LHX5: variants seen among roughly 807,000 people sequenced by gnomAD.
LHX5 encodes LIM/homeobox protein Lhx5.
In LHX5, 5 loss-of-function variants were observed where a neutral mutation model predicts 30.6. That is an observed-to-expected ratio of 0.16 (90% confidence interval 0.09 to 0.34). The LOEUF is 0.34. Ranked by LOEUF, LHX5 falls within the 10% of genes least tolerant of loss-of-function variation. The probability of loss-of-function intolerance (pLI) is 1.00; values close to 1 mark genes in which losing one functional copy is unlikely to be tolerated. For synonymous variants in LHX5, 266 were observed against 252.6 expected (o/e 1.05, Z -0.50); for missense variants, 458 against 570.6 (o/e 0.80, Z 2.01).
chr12:113,468,974 C>T, intron 2 of LHX5, 148 bp downstream of exon 2: 1 of 629,600 alleles, frequency 1.6e-6, no homozygotes, highest in Non-Finnish European at 2.7e-6. Context: ...TAGCCTCTAA[C>T]CCCCTTGCCT....
At chr12:113,471,213 A>T in intron 1 of LHX5, 113 bp downstream of exon 1, 1 of 1,136,690 alleles carries the variant, frequency 8.8e-7, no homozygotes, top group South Asian at 1.5e-5. Context: ...CTCCCCATCT[A>T]AGCTTGTGAT....
In LHX5 at chr12:113,462,233, T is replaced by C. The variant is rs1436862095; in HGVS notation, c.*957A>G. ...ATAAACAGTAAACACAAAAACATACTTTATTTGTTTCTTCTTTATACAAAA... is the reference window on the plus strand; with the variant it reads ...ATAAACAGTAAACACAAAAACATACCTTATTTGTTTCTTCTTTATACAAAA... On this transcript the variant is annotated 3_prime_UTR_variant, in exon 5 of 5. Coordinates refer to ENST00000261731, the MANE Select transcript of LHX5 (RefSeq NM_022363.3). 8 of 152,176 alleles carry C rather than the reference T, an allele frequency of 5.3e-5. No homozygotes were observed. 9.4% of individuals were successfully genotyped at this position (152,176 alleles called of 1,614,324 possible).
At chr12:113,470,411 G>C (rs1362212269) in intron 1 of LHX5, among the ~76,000 whole-genome samples, 2 of 152,224 alleles carry the variant, frequency 1.3e-5, no homozygotes, top group African/African-American at 4.8e-5. Context: ...CTACATTAGG[G>C]GCATCGGGCC....
chr12:113,465,346 G>A lies in LHX5; in HGVS notation c.842-1789C>T, dbSNP rs1179651803. 1.3e-5 allele frequency among the ~76,000 whole-genome samples: 2 copies of A among 152,224 alleles called. No individual in the cohort carries two copies. The highest frequency in any genetic ancestry group is 2.9e-5 in the Non-Finnish European group (2 of 68,032). On this transcript the variant is annotated intron_variant, in intron 4 of 4. Coordinates refer to ENST00000261731, the MANE Select transcript of LHX5 (RefSeq NM_022363.3). This position sits in a 1 kb window ranked among gnomAD's most constrained non-coding sequence, Gnocchi z 6.7. ...AACCAGCGAAGGCCGCTGCCCCCGC[G>A]CCGTGCGCGCCGCCTCCGCCCATAT...
intron 1 of LHX5, 125 bp downstream of exon 1, chr12:113,471,201 C>G (rs1355004889): frequency 1.0e-6 from 1 of 1,004,874 alleles, no homozygotes; most frequent in Non-Finnish European, 1.5e-6. Context: ...AAGTGCTGCC[C>G]GCTCCCCATC....
In LHX5 at chr12:113,463,504, C is replaced by G. The variant is rs764943118; in HGVS notation, c.895G>C (p.Gly299Arg). 8 of 1,565,360 alleles carry G rather than the reference C, an allele frequency of 5.1e-6. No individual in the cohort carries two copies. The East Asian group carries it at 7.1e-5, about 14-fold the overall frequency. The change falls in exon 5 of 5, where the codon GGC (glycine) becomes CGC (arginine). Residue 299 changes from glycine to arginine, a missense_variant. Coordinates refer to ENST00000261731, the MANE Select transcript of LHX5 (RefSeq NM_022363.3). The surrounding 1 kb of genome is among the most constrained non-coding windows in gnomAD (Gnocchi z 6.7). ...GGGGACTGCGCCTGCGAAGGCGGGC[C>G]GTGCGCGAAGAAGTCGTAGTTGCTT... The part of the protein sequence containing the change: ...PGSNYDFFAH[G>R]PPSQAQSPAD...
chr12:113,469,300 G>T lies in LHX5; in HGVS notation c.219C>A (p.Pro73=), dbSNP rs1319385422. The T allele has an allele frequency of 1.9e-6, 3 of 1,614,096 alleles. No homozygotes were observed. The East Asian group carries it at 6.7e-5, about 36-fold the overall frequency. ...TCCGGGCCTTGCGCACCAGGTCGCTGGGCGAGATGCCTTGCGCGCAGCCGG... is the reference window on the plus strand; with the variant it reads ...TCCGGGCCTTGCGCACCAGGTCGCTTGGCGAGATGCCTTGCGCGCAGCCGG... ...KCAGCAQGIS[P]SDLVRKARSK... Residue 73 remains proline (P), a synonymous_variant, in exon 2 of 5, where the codon CCC becomes CCA. Coordinates refer to ENST00000261731, the MANE Select transcript of LHX5 (RefSeq NM_022363.3).
chr12:113,469,054 G>A, intron 2 of LHX5, 68 bp downstream of exon 2: 1 of 1,208,242 alleles, frequency 8.3e-7, no homozygotes, highest in South Asian at 1.5e-5. Flanking sequence ...GCCAAGTAGG[G>A]AGTGCCAGGC....
At position 113,471,459 on chromosome 12, in the gene LHX5, C is replaced by A; in HGVS notation, c.40G>T (p.Asp14Tyr). The change falls in exon 1 of 5, where the codon GAC becomes TAC. Residue 14 changes from aspartate to tyrosine, a missense_variant. By Grantham distance (160) the Asp-to-Tyr change is radical. Around this residue, in one of 3 missense-constraint regions of LHX5, gnomAD observed 178 missense variants for 238.5 expected, o/e 0.75. Coordinates refer to ENST00000261731, the MANE Select transcript of LHX5 (RefSeq NM_022363.3). ...TCCAGCACGTTCAGCAGAAAGCGGT[C>A]GAGGATGGGCCGCTCGCAACCGGCG... ...HCAGCERPIL[D>Y]RFLLNVLDRA... 1 of 1,611,096 alleles carries A rather than the reference C, an allele frequency of 6.2e-7. No homozygotes were observed. The highest frequency in any genetic ancestry group is 8.5e-7 in the Non-Finnish European group (1 of 1,178,794).
chr12:113,465,824 C>G lies in LHX5; in HGVS notation c.841+1432G>C, dbSNP rs888898637. On this transcript the variant is annotated intron_variant, in intron 4 of 4. Coordinates refer to ENST00000261731, the MANE Select transcript of LHX5 (RefSeq NM_022363.3). The surrounding 1 kb of genome is among the most constrained non-coding windows in gnomAD (Gnocchi z 6.7). ...CGGTGAGTGGAGACTCCGGAAGACACGCCCACCATCCGGGCTCTCCAGGGT... is the reference window on the plus strand; with the variant it reads ...CGGTGAGTGGAGACTCCGGAAGACAGGCCCACCATCCGGGCTCTCCAGGGT... 1.3e-5 allele frequency among the ~76,000 whole-genome samples: 2 copies of G among 151,936 alleles called. No homozygotes were observed. Among genetic ancestry groups the G allele is most frequent in the Admixed American group, 6.5e-5 (1 of 15,268 alleles).
rs1250685787 is a variant in LHX5 at position 113,467,475 on chromosome 12, CT to C, written c.676-55del. On this transcript the variant is annotated intron_variant, in intron 3 of 4. Transcript: ENST00000261731. The surrounding 1 kb of genome is among the most constrained non-coding windows in gnomAD (Gnocchi z 6.3). ...AGGATCAGGAGTGTCCTCTCCCCCCCTCTTCTCCCTTCCCTGACTGGGCTGC... is the reference window on the plus strand; with the variant it reads ...AGGATCAGGAGTGTCCTCTCCCCCCCCTTCTCCCTTCCCTGACTGGGCTGC... 1.1e-5 allele frequency: 15 copies of C among 1,372,100 alleles called. No homozygotes were observed. The highest frequency in any genetic ancestry group is 3.0e-5 in the African/African-American group (2 of 67,396). The allele number at this position is 1,372,100 out of a possible 1,614,324, so 85.0% of individuals were successfully genotyped here.
At position 113,471,726 on chromosome 12, in the gene LHX5, G is replaced by T. The variant is rs750120292; in HGVS notation, c.-228C>A. On this transcript the variant is annotated 5_prime_UTR_variant, in exon 1 of 5. Coordinates refer to ENST00000261731, the MANE Select transcript of LHX5 (RefSeq NM_022363.3). ...GGTGGCGTTCACAACCTCATGCCAC[G>T]GGCCGCACGCCCCGGCGCCTGTTCC... 4.2e-6 allele frequency: 2 copies of T among 477,694 alleles called. No homozygotes were observed. Among genetic ancestry groups the T allele is most frequent in the African/African-American group, 2.1e-5 (1 of 48,690 alleles). 29.6% of individuals were successfully genotyped at this position (477,694 alleles called of 1,614,324 possible).
Position 113,471,625 on chromosome 12 carries a change from C to A in LHX5, c.-127G>T. On this transcript the variant is annotated 5_prime_UTR_variant, in exon 1 of 5. Coordinates refer to ENST00000261731, the MANE Select transcript of LHX5 (RefSeq NM_022363.3). ...GCTGCAGGGCGAGTCTGGTCCGGAC[C>A]AAGACTCAGCCGGTCCAGTCCTTGG... 5.5e-6 allele frequency: 5 copies of A among 914,490 alleles called. No homozygotes were observed. The highest frequency in any genetic ancestry group is 8.1e-6 in the Non-Finnish European group (5 of 620,158). 56.6% of individuals were successfully genotyped at this position (914,490 alleles called of 1,614,324 possible).
In LHX5 at chr12:113,462,712, C is replaced by T. The variant is rs1177887014; in HGVS notation, c.*478G>A. 1 of 152,410 alleles carries T rather than the reference C, an allele frequency of 6.6e-6. No individual in the cohort carries two copies. The highest frequency in any genetic ancestry group is 2.4e-5 in the African/African-American group (1 of 41,420). The allele number at this position is 152,410 out of a possible 1,614,324, so 9.4% of individuals were successfully genotyped here. A position where few individuals can be genotyped will look rare whatever the true frequency, so the allele number is the denominator to read the frequency against. ...CCTCTCTTTCAATCTCTCTCCTTTT[C>T]TTATCATCTTTTTTTTTAAAGACGG... On this transcript the variant is annotated 3_prime_UTR_variant, in exon 5 of 5. Coordinates refer to ENST00000261731, the MANE Select transcript of LHX5 (RefSeq NM_022363.3).
rs1958177574 is a variant in LHX5 at position 113,462,197 on chromosome 12, G to C, written c.*993C>G. 6.6e-6 allele frequency: 1 copy of C among 151,970 alleles called. No individual in the cohort carries two copies. The highest frequency in any genetic ancestry group is 2.4e-5 in the African/African-American group (1 of 41,336). 9.4% of individuals were successfully genotyped at this position (151,970 alleles called of 1,614,324 possible). On this transcript the variant is annotated 3_prime_UTR_variant, in exon 5 of 5. Coordinates refer to ENST00000261731, the MANE Select transcript of LHX5 (RefSeq NM_022363.3). ...AAAAATGTCCAACCCCGGATAACTAGAGTACAATAAATAAACAGTAAACAC... is the reference window on the plus strand; with the variant it reads ...AAAAATGTCCAACCCCGGATAACTACAGTACAATAAATAAACAGTAAACAC...
In LHX5 at chr12:113,468,151, G is replaced by C; in HGVS notation, c.651C>G (p.Thr217=). Residue 217 remains threonine (T), a synonymous_variant, in exon 3 of 5, where the codon ACC becomes ACG. Coordinates refer to ENST00000261731, the MANE Select transcript of LHX5 (RefSeq NM_022363.3). ...CCTGGATGACGCGCATGTTGAGGCCGGTCTCCTGCGCCAGCTGCTCGCGGA... is the reference window on the plus strand; with the variant it reads ...CCTGGATGACGCGCATGTTGAGGCCCGTCTCCTGCGCCAGCTGCTCGCGGA... ...RHIREQLAQE[T]GLNMRVIQVW... is the part of the protein sequence containing the mutation. The C allele has an allele frequency of 1.9e-6, 3 of 1,603,422 alleles. No individual in the cohort carries two copies. Among genetic ancestry groups the C allele is most frequent in the Non-Finnish European group, 2.6e-6 (3 of 1,176,110 alleles).
In LHX5 at chr12:113,465,429, C is replaced by T. The variant is rs1958207507; in HGVS notation, c.841+1827G>A. On this transcript the variant is annotated intron_variant, in intron 4 of 4. Transcript: ENST00000261731. This position sits in a 1 kb window ranked among gnomAD's most constrained non-coding sequence, Gnocchi z 6.7. ...CCGTCTGAAAAGGGCACAAAAGCCG[C>T]AGCTGGGGCTTTGTCCGCGCTCCCA... Among the ~76,000 whole-genome samples, 1 of 152,224 alleles carries T rather than the reference C, an allele frequency of 6.6e-6. No individual in the cohort carries two copies. Among genetic ancestry groups the T allele is most frequent in the African/African-American group, 2.4e-5 (1 of 41,470 alleles).
rs1029962034 is a variant in LHX5 at position 113,469,177 on chromosome 12, C to T, written c.342G>A (p.Val114=). Residue 114 remains valine, a synonymous_variant, in exon 2 of 5, where the codon GTG becomes GTA. Transcript: ENST00000261731. Reference sequence around the variant, plus strand: ...ATGAGCTCAGGTAGTCGTCTTTGCACACGAACTTGTTCTCGTCGATGACGT... The same window carrying T: ...ATGAGCTCAGGTAGTCGTCTTTGCATACGAACTTGTTCTCGTCGATGACGT... ...ELYVIDENKF[V]CKDDYLSSSS... is the part of the protein sequence containing the mutation. 6.2e-7 allele frequency: 1 copy of T among 1,614,238 alleles called. No individual in the cohort carries two copies. The highest frequency in any genetic ancestry group is 1.1e-5 in the South Asian group (1 of 91,088).
chr12:113,467,200 C>T lies in LHX5; in HGVS notation c.841+56G>A, dbSNP rs985140382. ...AAGCGTGCTGGCCGGGACCCTTCGC[C>T]CTCAGCTCCCGGAATAGGACAGGTG... On this transcript the variant is annotated intron_variant, in intron 4 of 4. Transcript: ENST00000261731. The surrounding 1 kb of genome is among the most constrained non-coding windows in gnomAD (Gnocchi z 6.3). The T allele has an allele frequency of 3.9e-5, 54 of 1,381,864 alleles. No homozygotes were observed. The South Asian group carries it at 8.3e-4, about 21-fold the overall frequency. The allele number at this position is 1,381,864 out of a possible 1,614,324, so 85.6% of individuals were successfully genotyped here.
Sources: gnomAD v4.1 joint callset for allele counts (sites outside exome capture counted in the v4.1 genomes callset) on GRCh38, gnomAD v4.1.1 for gene constraint, gnomAD v4.1.1 regional missense constraint, Gnocchi (gnomAD v3.1) non-coding constraint, MANE v1.5 for transcripts, NCBI Gene and HGNC (gene_info 2026-07-23, HGNC 2026-07-21) for gene names.